The following UBE2Q2 variants were observed in gnomAD, a reference collection of about 807,000 sequenced individuals.
UBE2Q2 encodes ubiquitin conjugating enzyme E2 Q2.
UBE2Q2 carries 54 observed loss-of-function variants against 59.9 expected under a neutral mutation model. That is an observed-to-expected ratio of 0.90 (90% confidence interval 0.72 to 1.13). UBE2Q2 has a LOEUF of 1.13. Among genes scored for constraint, UBE2Q2 ranks in the 50% most tolerant of loss-of-function variants. UBE2Q2 has a pLI of 0.00. For synonymous variants in UBE2Q2, 165 were observed against 155.2 expected (o/e 1.06, Z -0.47); for missense variants, 433 against 441.9 (o/e 0.98, Z 0.18).
chr15:75,858,642 C>T (rs903411288), intron 2 of UBE2Q2, among the ~76,000 whole-genome samples: 1 of 152,052 alleles, frequency 6.6e-6, no homozygotes, highest in Non-Finnish European at 1.5e-5. Context: ...CCCTGTCTTT[C>T]TTGTTGCTTG....
chr15:75,894,244 G>A (rs1567043666), intron 11 of UBE2Q2, among the ~76,000 whole-genome samples: 1 of 152,078 alleles, frequency 6.6e-6, no homozygotes, highest in Non-Finnish European at 1.5e-5. Flanking sequence ...AATGAATCAA[G>A]CCTCTGATTG....
rs1898697623 is a variant in UBE2Q2, at chr15:75,885,325, C to T, written c.884+1901C>T. ...TGGAGATGGGGTTTCACCATGTTGG[C>T]CAGGATGGTCTCTATCTCTTGACCT... On this transcript the variant is annotated intron_variant, in intron 9 of 12. Coordinates refer to ENST00000267938, the MANE Select transcript of UBE2Q2 (RefSeq NM_173469.4). Among the ~76,000 whole-genome samples the T allele has an allele frequency of 3.3e-5, 5 of 152,146 alleles. No homozygotes were observed. In the East Asian group the frequency reaches 7.8e-4, roughly 24 times the overall value.
intron 3 of UBE2Q2, among the ~76,000 whole-genome samples, chr15:75,865,529 A>G (rs1897416449): frequency 6.6e-6 from 1 of 152,132 alleles, no homozygotes; most frequent in East Asian, 1.9e-4. Context: ...TCTCTGGGGC[A>G]CATACTTAGG....
intron 8 of UBE2Q2, among the ~76,000 whole-genome samples, chr15:75,879,466 G>A (rs2455899): frequency 0.2 from 30,010 of 152,196 alleles, 3,343 homozygotes; most frequent in Admixed American, 0.29. Flanking sequence ...TTACAGCTAT[G>A]TGGGACAAGA....
chr15:75,864,112 C>T (rs551527288), intron 3 of UBE2Q2, among the ~76,000 whole-genome samples: 35 of 152,206 alleles, frequency 2.3e-4, no homozygotes, highest in African/African-American at 8.4e-4. Flanking sequence ...ATAGTAAACA[C>T]CGTTAGAATG....
intron 4 of UBE2Q2, 50 bp downstream of exon 4, chr15:75,869,060 C>A: frequency 6.8e-7 from 1 of 1,473,616 alleles, no homozygotes; most frequent in Non-Finnish European, 9.3e-7. Flanking sequence ...CATTTTTGAA[C>A]ATTTGAGTAA....
At chr15:75,844,289 G>T in intron 1 of UBE2Q2, 1 of 1,544,214 alleles carries the variant, frequency 6.5e-7, no homozygotes, top group South Asian at 1.2e-5. Context: ...TTTTCAGTCG[G>T]ATTTTCCTTC....
At chr15:75,894,030 T>C (rs1210595829) in intron 11 of UBE2Q2, among the ~76,000 whole-genome samples, 1 of 152,168 alleles carries the variant, frequency 6.6e-6, no homozygotes, top group Non-Finnish European at 1.5e-5. Flanking sequence ...AATCTATAAG[T>C]TAATAATAAA....
intron 9 of UBE2Q2, among the ~76,000 whole-genome samples, chr15:75,886,843 A>G (rs955755124): frequency 2.0e-5 from 3 of 152,020 alleles, no homozygotes; most frequent in Non-Finnish European, 2.9e-5. Context: ...AGCCTGGGCA[A>G]TAGGGCGAGA....
At position 75,876,173 on chromosome 15, in the gene UBE2Q2, C is replaced by A; in HGVS notation, c.589-14C>A. 1 of 1,612,740 alleles carries A rather than the reference C, an allele frequency of 6.2e-7. No homozygotes were observed. Among genetic ancestry groups the A allele is most frequent in the Non-Finnish European group, 8.5e-7 (1 of 1,179,426 alleles). ...CTCAGCAGACCCTGGTAAACAGTGG[C>A]TTTTGTGTTTCAGGGTGCAGTGTCT... On this transcript the variant is annotated splice_polypyrimidine_tract_variant and intron_variant, in intron 5 of 12. Transcript: ENST00000267938.
At chr15:75,844,637 C>A (rs2141517885) in intron 1 of UBE2Q2, 1 of 800,934 alleles carries the variant, frequency 1.2e-6, no homozygotes, top group Non-Finnish European at 1.9e-6. Flanking sequence ...ACTCATTAAG[C>A]GGAAATCTCA....
At chr15:75,851,070 C>T (rs1322292328) in intron 1 of UBE2Q2, among the ~76,000 whole-genome samples, 1 of 151,580 alleles carries the variant, frequency 6.6e-6, no homozygotes, top group African/African-American at 2.4e-5. Flanking sequence ...CAACCTTATA[C>T]AGATACCTGG....
chr15:75,853,403 G>A (rs916277455), intron 1 of UBE2Q2, among the ~76,000 whole-genome samples: 7 of 151,902 alleles, frequency 4.6e-5, no homozygotes, highest in South Asian at 2.1e-4. Flanking sequence ...CCTAGGAGGC[G>A]GAGGTTGCAG....
At chr15:75,845,589 A>C (rs1896303358) in intron 1 of UBE2Q2, among the ~76,000 whole-genome samples, 1 of 151,960 alleles carries the variant, frequency 6.6e-6, no homozygotes, top group Non-Finnish European at 1.5e-5. Flanking sequence ...GTAAGTTGGG[A>C]GAATGTATCT....
At chr15:75,858,315 A>G (rs1178819136) in intron 2 of UBE2Q2, among the ~76,000 whole-genome samples, 2 of 152,198 alleles carry the variant, frequency 1.3e-5, no homozygotes, top group Non-Finnish European at 2.9e-5. Context: ...GATGACGTTT[A>G]AATTTGCGTT....
rs563346984 is a variant in UBE2Q2 at position 75,845,617 on chromosome 15, A to G, written c.180+1771A>G. On this transcript the variant is annotated intron_variant, in intron 1 of 12. Transcript: ENST00000267938. ...ATGTATCTTTCATCCAGGATTAGAA[A>G]TGGTTCTCTACAGTGGGTGGCATTA... 8.5e-5 allele frequency among the ~76,000 whole-genome samples: 13 copies of G among 152,304 alleles called. No individual in the cohort carries two copies. In the South Asian group the frequency reaches 2.3e-3, roughly 27 times the overall value.
intron 4 of UBE2Q2, among the ~76,000 whole-genome samples, chr15:75,872,877 A>G (rs1049408867): frequency 3.3e-5 from 5 of 151,594 alleles, no homozygotes; most frequent in Non-Finnish European, 7.4e-5. Flanking sequence ...TCTTTTTTGT[A>G]TTGTTTTTCA....
In UBE2Q2 at chr15:75,900,770, C is replaced by G. The variant is rs1595906873; in HGVS notation, c.*1312C>G. On this transcript the variant is annotated 3_prime_UTR_variant, in exon 13 of 13. Transcript: ENST00000267938. ...AAATAGATTTTCTGGTATTCTTGTT[C>G]ACTTGATTACATTTGTATAAAGTTC... 2 of 152,702 alleles carry G rather than the reference C, an allele frequency of 1.3e-5. No individual in the cohort carries two copies. The highest frequency in any genetic ancestry group is 6.8e-3 in the Middle Eastern group (2 of 294). 9.5% of individuals were successfully genotyped at this position (152,702 alleles called of 1,614,324 possible).
intron 8 of UBE2Q2, among the ~76,000 whole-genome samples, 177 bp downstream of exon 8, chr15:75,879,365 G>T (rs1298271189): frequency 6.6e-6 from 1 of 152,180 alleles, no homozygotes; most frequent in African/African-American, 2.4e-5. Flanking sequence ...ACACAGGAAT[G>T]TTCAGAGCAG....
Sources: gnomAD v4.1 joint callset for allele counts (sites outside exome capture counted in the v4.1 genomes callset) on GRCh38, gnomAD v4.1.1 for gene constraint, MANE v1.5 for transcripts, NCBI Gene and HGNC (gene_info 2026-07-23, HGNC 2026-07-21) for gene names.